The following PRORP variants were observed in gnomAD, a reference collection of about 807,000 sequenced individuals.
PRORP encodes mitochondrial ribonuclease P catalytic subunit.
PRORP carries 51 observed loss-of-function variants against 59.4 expected under a neutral mutation model. The ratio of observed to expected loss-of-function variants is 0.86; its 90% CI spans 0.69 to 1.08. PRORP has a LOEUF of 1.08. Ranked by LOEUF, PRORP falls within the 50% of genes least tolerant of loss-of-function variation. The pLI, the probability that PRORP is intolerant of heterozygous loss-of-function variation, is 0.00. For synonymous variants in PRORP, 231 were observed against 245.6 expected, an observed-to-expected ratio of 0.94 and a Z score of 0.55; for missense variants, 646 against 690.3, an observed-to-expected ratio of 0.94 and a Z score of 0.72.
At chr14:35,203,025 G>A (rs2049196753) in intron 5 of PRORP, among the ~76,000 whole-genome samples, 2 of 152,176 alleles carry the variant, frequency 1.3e-5, no homozygotes, top group East Asian at 3.8e-4. Flanking sequence ...TTATGTATTT[G>A]TGTAGTGTTA....
chr14:35,271,104 T>C (rs2138678053), intron 7 of PRORP, among the ~76,000 whole-genome samples: 1 of 149,454 alleles, frequency 6.7e-6, no homozygotes, highest in East Asian at 2.0e-4. Flanking sequence ...AAAAACAACA[T>C]TTAGGATATA....
At chr14:35,242,599 C>T (rs577960505) in intron 5 of PRORP, among the ~76,000 whole-genome samples, 48 of 152,244 alleles carry the variant, frequency 3.2e-4, no homozygotes, top group African/African-American at 8.7e-4. Flanking sequence ...TACATACATA[C>T]GTATTTTGCA....
intron 5 of PRORP, among the ~76,000 whole-genome samples, chr14:35,192,171 A>G (rs2048899826): frequency 6.6e-6 from 1 of 152,098 alleles, no homozygotes; most frequent in Non-Finnish European, 1.5e-5. Flanking sequence ...CTTTCACTGA[A>G]TTGTAGGTAC....
chr14:35,167,330 T>C (rs781204158), intron 4 of PRORP, among the ~76,000 whole-genome samples: 17 of 152,180 alleles, frequency 1.1e-4, no homozygotes, highest in Admixed American at 8.5e-4. Flanking sequence ...TTTCTTAAAA[T>C]TGAGTTAAAG....
At chr14:35,238,654 C>G (rs2050282056) in intron 5 of PRORP, among the ~76,000 whole-genome samples, 1 of 152,086 alleles carries the variant, frequency 6.6e-6, no homozygotes, top group African/African-American at 2.4e-5. Context: ...AAATCTTAAC[C>G]TTTTTAAGAT....
intron 5 of PRORP, among the ~76,000 whole-genome samples, chr14:35,236,269 TTATC>T (rs1405643166): frequency 2.6e-5 from 4 of 152,180 alleles, no homozygotes; most frequent in Non-Finnish European, 5.9e-5. Context: ...ACTGATCTAT[TTATC>T]TGTTTTCTTG....
intron 5 of PRORP, among the ~76,000 whole-genome samples, chr14:35,227,122 G>A (rs898209562): frequency 8.6e-5 from 13 of 151,558 alleles, no homozygotes; most frequent in African/African-American, 3.1e-4. Context: ...ATAAGAAACA[G>A]TTTTAATGGA....
chr14:35,213,298 C>T (rs895187628), intron 5 of PRORP, among the ~76,000 whole-genome samples: 7 of 152,036 alleles, frequency 4.6e-5, no homozygotes, highest in South Asian at 2.1e-4. Context: ...TGGTTGGGCA[C>T]GGTGGCTCAT....
intron 4 of PRORP, chr14:35,158,665 C>A: frequency 2.5e-6 from 1 of 398,074 alleles, no homozygotes. Flanking sequence ...TTAGGTAGTC[C>A]ACAGATTTAC....
At position 35,143,107 on chromosome 14, in the gene PRORP, C is replaced by T. The variant is rs890756580; in HGVS notation, c.1167+15496C>T. On this transcript the variant is annotated intron_variant, in intron 4 of 7. Transcript: ENST00000534898. ...AGTTCTTAACCTTTTGGTCTCGGGACCCTTTTACATATTTAAACATTATTG... is the reference window on the plus strand; with the variant it reads ...AGTTCTTAACCTTTTGGTCTCGGGATCCTTTTACATATTTAAACATTATTG... Among the ~76,000 whole-genome samples, 4 of 145,598 alleles carry T rather than the reference C, an allele frequency of 2.7e-5. 1 individual carries two copies. The highest frequency in any genetic ancestry group is 1.4e-4 in the Admixed American group (2 of 14,038).
At chr14:35,168,582 CTTTCT>C (rs1328303458) in intron 4 of PRORP, among the ~76,000 whole-genome samples, 1 of 151,576 alleles carries the variant, frequency 6.6e-6, no homozygotes, top group Non-Finnish European at 1.5e-5. Context: ...TTTTCTTTGT[CTTTCT>C]TAGACCTCAA....
intron 5 of PRORP, among the ~76,000 whole-genome samples, chr14:35,218,459 T>TC (rs1555329355): frequency 2.2e-5 from 1 of 44,776 alleles, no homozygotes; most frequent in African/African-American, 1.0e-4. Flanking sequence ...AGATCCTGTC[T>TC]AAAAAAAGAA....
intron 4 of PRORP, among the ~76,000 whole-genome samples, chr14:35,142,692 A>T (rs757949837): frequency 2.8e-5 from 4 of 144,114 alleles, no homozygotes; most frequent in African/African-American, 4.9e-5. Flanking sequence ...AAATACAAAA[A>T]ATTAGCTGGG....
intron 4 of PRORP, among the ~76,000 whole-genome samples, chr14:35,175,014 T>C (rs2139012542): frequency 1.3e-5 from 2 of 151,552 alleles, no homozygotes; most frequent in South Asian, 4.2e-4. Flanking sequence ...GTCCTTGCAA[T>C]AGTTTGCTCA....
At chr14:35,127,817 A>G (rs1390503233) in intron 4 of PRORP, among the ~76,000 whole-genome samples, 1 of 152,162 alleles carries the variant, frequency 6.6e-6, no homozygotes, top group Non-Finnish European at 1.5e-5. Flanking sequence ...AACTTTATTC[A>G]TGAAAACAAG....
At chr14:35,197,617 T>C (rs768103560) in intron 5 of PRORP, among the ~76,000 whole-genome samples, 2 of 152,204 alleles carry the variant, frequency 1.3e-5, no homozygotes, top group Non-Finnish European at 2.9e-5. Flanking sequence ...TAGATTTCTT[T>C]TGCAGTGATT....
chr14:35,146,563 G>GT (rs910006343), intron 4 of PRORP, among the ~76,000 whole-genome samples: 8 of 152,096 alleles, frequency 5.3e-5, no homozygotes, highest in African/African-American at 1.7e-4. Flanking sequence ...TGAACTGTGG[G>GT]TTTTTTTCCC....
chr14:35,221,401 G>A (rs935466482), intron 5 of PRORP, among the ~76,000 whole-genome samples: 2 of 152,120 alleles, frequency 1.3e-5, no homozygotes, highest in Admixed American at 1.3e-4. Context: ...ATATGGCTTG[G>A]TATGGCACTG....
intron 5 of PRORP, among the ~76,000 whole-genome samples, chr14:35,187,141 G>A (rs1466402901): frequency 6.6e-6 from 1 of 152,100 alleles, no homozygotes; most frequent in Non-Finnish European, 1.5e-5. Context: ...GTTTTTGTGT[G>A]GACATATGTT....
Sources: allele counts gnomAD v4.1 joint callset (sites outside exome capture counted in the v4.1 genomes callset), GRCh38; gene constraint gnomAD v4.1.1; transcripts MANE v1.5; gene names NCBI Gene and HGNC (gene_info 2026-07-23, HGNC 2026-07-21).